Variants in SCAND3 observed in about 807,000 individuals in gnomAD.
SCAND3 encodes the protein SCAN domain-containing protein 3.
chr6:28,596,342 G>A, the SCAND3 span, among the ~76,000 whole-genome samples: 1 of 152,064 alleles, frequency 6.6e-6, no homozygotes, highest in Non-Finnish European at 1.5e-5. Flanking sequence ...ATATTGGTTA[G>A]GGAAATGGGG....
At chr6:28,615,970 G>A in the SCAND3 span, 2 of 152,216 alleles carry the variant, frequency 1.3e-5, no homozygotes, top group African/African-American at 4.8e-5. Context: ...GGGGCTAGAT[G>A]TGGCAAATGT....
the SCAND3 span, among the ~76,000 whole-genome samples, chr6:28,576,457 A>G: frequency 6.6e-6 from 1 of 152,056 alleles, no homozygotes; most frequent in Non-Finnish European, 1.5e-5. Context: ...ATGGGGTTTC[A>G]CCATGTTGGC....
At chr6:28,573,202 G>C in the SCAND3 span, 60 of 1,613,790 alleles carry the variant, frequency 3.7e-5, no homozygotes, top group Non-Finnish European at 4.9e-5. Flanking sequence ...AAAATACTTT[G>C]CTAGTTTTAT....
the SCAND3 span, among the ~76,000 whole-genome samples, chr6:28,585,703 GA>G: frequency 1.3e-5 from 2 of 152,154 alleles, no homozygotes; most frequent in Admixed American, 6.5e-5. Context: ...AAAAATATAA[GA>G]ATGTCTGGCA....
the SCAND3 span, chr6:28,573,273 G>A: frequency 6.2e-7 from 1 of 1,614,106 alleles, no homozygotes; most frequent in Non-Finnish European, 8.5e-7. Flanking sequence ...GAGCTATGGT[G>A]TCATTGGAAA....
At chr6:28,586,891 A>G in the SCAND3 span, 1 of 601,488 alleles carries the variant, frequency 1.7e-6, no homozygotes, top group Admixed American at 3.1e-5. This position sits in a 1 kb window ranked among gnomAD's most constrained non-coding sequence, Gnocchi z 4.4. Context: ...GTGACAACAC[A>G]GGGCAGTTAC....
chr6:28,597,531 A>G, the SCAND3 span, among the ~76,000 whole-genome samples: 36 of 152,198 alleles, frequency 2.4e-4, no homozygotes, highest in African/African-American at 7.0e-4. Context: ...CCTTACAACC[A>G]CACCCAGAAT....
chr6:28,605,245 T>C, the SCAND3 span, among the ~76,000 whole-genome samples: 104 of 152,218 alleles, frequency 6.8e-4, no homozygotes, highest in African/African-American at 2.5e-3. Context: ...TACCCTGACC[T>C]GGGCTCCAGG....
the SCAND3 span, among the ~76,000 whole-genome samples, chr6:28,610,889 A>G: frequency 2.0e-5 from 3 of 152,212 alleles, no homozygotes; most frequent in Non-Finnish European, 4.4e-5. Context: ...CTCTAGATAA[A>G]AGCATTAGCA....
At chr6:28,598,706 A>C in the SCAND3 span, among the ~76,000 whole-genome samples, 1 of 143,784 alleles carries the variant, frequency 7.0e-6, no homozygotes, top group African/African-American at 2.7e-5. Flanking sequence ...AATAAAATAA[A>C]ATAAAATAAA....
the SCAND3 span, among the ~76,000 whole-genome samples, chr6:28,608,099 A>G: frequency 6.6e-6 from 1 of 152,166 alleles, no homozygotes; most frequent in African/African-American, 2.4e-5. Context: ...CCTTTGAAAT[A>G]CTGGAATGTG....
chr6:28,593,985 G>T, the SCAND3 span, among the ~76,000 whole-genome samples: 1 of 152,200 alleles, frequency 6.6e-6, no homozygotes, highest in African/African-American at 2.4e-5. Context: ...CTCCCAAGGT[G>T]CTGGGATTAC....
At chr6:28,598,901 A>G in the SCAND3 span, among the ~76,000 whole-genome samples, 1 of 149,948 alleles carries the variant, frequency 6.7e-6, no homozygotes, top group Non-Finnish European at 1.5e-5. Context: ...AAAAGAAAAA[A>G]GAAAAAAAGT....
At chr6:28,615,927 C>G in the SCAND3 span, 65 of 152,262 alleles carry the variant, frequency 4.3e-4, no homozygotes, top group African/African-American at 1.4e-3. Flanking sequence ...TATTCTTAGT[C>G]TATCATACAT....
the SCAND3 span, among the ~76,000 whole-genome samples, chr6:28,609,954 G>A: frequency 6.6e-6 from 1 of 152,128 alleles, no homozygotes; most frequent in East Asian, 1.9e-4. Flanking sequence ...GTCCAGGCAA[G>A]TTGGCACATG....
At chr6:28,575,798 G>GT in the SCAND3 span, 1 of 1,613,894 alleles carries the variant, frequency 6.2e-7, no homozygotes. The surrounding 1 kb of genome is among the most constrained non-coding windows in gnomAD (Gnocchi z 4.2). Flanking sequence ...TCCTCACTGT[G>GT]TAAGTAATAC....
the SCAND3 span, chr6:28,573,303 C>A: frequency 6.2e-7 from 1 of 1,614,116 alleles, no homozygotes; most frequent in Non-Finnish European, 8.5e-7. Flanking sequence ...GAGCTACCTT[C>A]TTTGCTGCAG....
the SCAND3 span, among the ~76,000 whole-genome samples, chr6:28,595,717 C>T: frequency 1.5e-5 from 2 of 134,872 alleles, no homozygotes; most frequent in African/African-American, 3.3e-5. Flanking sequence ...AGCGAAACTC[C>T]GTCTCAAAAA....
the SCAND3 span, among the ~76,000 whole-genome samples, chr6:28,601,249 C>G: frequency 3.9e-5 from 6 of 152,106 alleles, no homozygotes; most frequent in Admixed American, 2.6e-4. Flanking sequence ...TAGACATATA[C>G]TGAAGTATTT....
Sources: gnomAD v4.1 joint callset for allele counts (sites outside exome capture counted in the v4.1 genomes callset) on GRCh38, gnomAD v4.1.1 for gene constraint, Gnocchi (gnomAD v3.1) non-coding constraint, MANE v1.5 for transcripts, NCBI Gene and HGNC (gene_info 2026-07-23, HGNC 2026-07-21) for gene names.